The following ONECUT3 variants were observed in gnomAD, a reference collection of about 807,000 sequenced individuals.
The protein encoded by ONECUT3 is one cut homeobox 3.
In ONECUT3, 11 loss-of-function variants were observed where a neutral mutation model predicts 16.8. The observed-to-expected ratio is 0.66, with a 90% CI of 0.41 to 1.09. The LOEUF (loss-of-function observed/expected upper bound fraction) is 1.09. Among genes scored for constraint, ONECUT3 ranks in the 50% least tolerant of loss-of-function variants. The probability of loss-of-function intolerance (pLI) is 0.00; values close to 1 mark genes in which losing one functional copy is unlikely to be tolerated. For synonymous variants in ONECUT3, 344 were observed against 310.7 expected (o/e 1.11, Z -1.13); for missense variants, 637 against 629.9 (o/e 1.01, Z -0.12).
chr19:1,766,816 C>G lies in ONECUT3; in HGVS notation c.1193-8337C>G, dbSNP rs538598039. 2.6e-4 allele frequency among the ~76,000 whole-genome samples: 39 copies of G among 152,230 alleles called. No individual in the cohort carries two copies. Among genetic ancestry groups the G allele is most frequent in the East Asian group, 3.9e-4 (2 of 5,176 alleles). ...TTGCAGGCTGGGCTGAGACCCCCCCCCCATGCTCCACCACCCTCGTGTAGG... is the reference window on the plus strand; with the variant it reads ...TTGCAGGCTGGGCTGAGACCCCCCCGCCATGCTCCACCACCCTCGTGTAGG... On this transcript the variant is annotated intron_variant, in intron 1 of 1. Coordinates refer to ENST00000382349, the MANE Select transcript of ONECUT3 (RefSeq NM_001080488.2). The surrounding 1 kb of genome is among the most constrained non-coding windows in gnomAD (Gnocchi z 4.0).
Position 1,766,738 on chromosome 19 carries a change from C to T in ONECUT3, c.1193-8415C>T, listed in dbSNP as rs12978813. On this transcript the variant is annotated intron_variant, in intron 1 of 1. Transcript: ENST00000382349. The surrounding 1 kb of genome is among the most constrained non-coding windows in gnomAD (Gnocchi z 4.0). ...TGCTGAGGGCACTCGGGGAGCCCCACTGTCCCACCCGGCGCTCCAGGGCAG... is the reference window on the plus strand; with the variant it reads ...TGCTGAGGGCACTCGGGGAGCCCCATTGTCCCACCCGGCGCTCCAGGGCAG... 6.6e-6 allele frequency among the ~76,000 whole-genome samples: 1 copy of T among 151,674 alleles called. No homozygotes were observed. The highest frequency in any genetic ancestry group is 1.5e-5 in the Non-Finnish European group (1 of 67,908).
rs1213901330 is a variant in ONECUT3, at chr19:1,775,451, C to T, written c.*6C>T. 6.8e-7 allele frequency: 1 copy of T among 1,466,770 alleles called. No individual in the cohort carries two copies. The highest frequency in any genetic ancestry group is 9.0e-7 in the Non-Finnish European group (1 of 1,115,534). The allele number at this position is 1,466,770 out of a possible 1,614,324, so 90.9% of individuals were successfully genotyped here. ...CCACTTTCTCCAAGGCCTGAGGCGC[C>T]CCGGCCCCGCGCCCTCCCTGCCTCC... is the stretch of plus-strand genomic sequence containing the variant. On this transcript the variant is annotated 3_prime_UTR_variant, in exon 2 of 2. Coordinates refer to ENST00000382349, the MANE Select transcript of ONECUT3 (RefSeq NM_001080488.2).
intron 1 of ONECUT3, among the ~76,000 whole-genome samples, chr19:1,765,475 T>G (rs2067978373): frequency 6.6e-6 from 1 of 152,192 alleles, no homozygotes. Flanking sequence ...CCCCCTTTCC[T>G]GGACTCAGAG....
In ONECUT3 at chr19:1,780,234, G is replaced by A. The variant is rs548578807; in HGVS notation, c.*4789G>A. 10 of 146,542 alleles carry A rather than the reference G, an allele frequency of 6.8e-5. No individual in the cohort carries two copies. The highest frequency in any genetic ancestry group is 1.3e-4 in the Non-Finnish European group (9 of 66,746). 9.1% of individuals were successfully genotyped at this position (146,542 alleles called of 1,614,324 possible). Reference sequence around the variant, plus strand: ...CCCTCCCTGGGCTGGGCATGAGTCCGCCTTTCTGTCCAGCCCGGGAGGCAG... The same window carrying A: ...CCCTCCCTGGGCTGGGCATGAGTCCACCTTTCTGTCCAGCCCGGGAGGCAG... On this transcript the variant is annotated 3_prime_UTR_variant, in exon 2 of 2. Coordinates refer to ENST00000382349, the MANE Select transcript of ONECUT3 (RefSeq NM_001080488.2).
intron 1 of ONECUT3, among the ~76,000 whole-genome samples, chr19:1,761,407 C>G (rs1462775831): frequency 2.6e-5 from 4 of 152,220 alleles, no homozygotes. Flanking sequence ...TTTGCATGGC[C>G]ACTTTGGGTT....
Position 1,753,642 on chromosome 19 carries a change from G to A in ONECUT3, c.-21G>A, listed in dbSNP as rs895006382. On this transcript the variant is annotated 5_prime_UTR_variant, in exon 1 of 2. Transcript: ENST00000382349. The stretch of plus-strand genomic sequence containing the variant: ...TAGGGGCCGGCGCTGAGGAGCGCGC[G>A]CGGCGGGAGGGCAGCCGAGCATGGA... The A allele has an allele frequency of 5.0e-6, 5 of 1,001,136 alleles. No homozygotes were observed. In the African/African-American group the frequency reaches 7.0e-5, roughly 14 times the overall value. The allele number at this position is 1,001,136 out of a possible 1,614,324, so 62.0% of individuals were successfully genotyped here.
chr19:1,754,947 GC>G lies in ONECUT3; in HGVS notation c.1192+97del. 5.5e-6 allele frequency: 7 copies of G among 1,272,684 alleles called. No individual in the cohort carries two copies. Among genetic ancestry groups the G allele is most frequent in the Non-Finnish European group, 6.0e-6 (6 of 1,008,152 alleles). The allele number at this position is 1,272,684 out of a possible 1,614,324, so 78.8% of individuals were successfully genotyped here. A position where few individuals can be genotyped will look rare whatever the true frequency, so the allele number is the denominator to read the frequency against. On this transcript the variant is annotated intron_variant, in intron 1 of 1. Coordinates refer to ENST00000382349, the MANE Select transcript of ONECUT3 (RefSeq NM_001080488.2). This position sits in a 1 kb window ranked among gnomAD's most constrained non-coding sequence, Gnocchi z 7.4. ...GCGGCGGCCGATGCCCGGGGCCAGC[GC>G]CCCAAGCCCCGCCCGTGCGCCCCGG...
intron 1 of ONECUT3, among the ~76,000 whole-genome samples, chr19:1,767,127 G>A (rs1414217394): frequency 3.3e-5 from 5 of 152,126 alleles, no homozygotes; most frequent in Middle Eastern, 3.2e-3. Flanking sequence ...CCCTCTCCAG[G>A]AAGATCCTGA....
At chr19:1,773,021 T>C (rs2145967486) in intron 1 of ONECUT3, among the ~76,000 whole-genome samples, 1 of 152,258 alleles carries the variant, frequency 6.6e-6, no homozygotes, top group South Asian at 2.1e-4. Flanking sequence ...CTTAACTTTA[T>C]CTTCCAGTCC....
chr19:1,757,715 C>G lies in ONECUT3; in HGVS notation c.1192+2861C>G, dbSNP rs566460893. On this transcript the variant is annotated intron_variant, in intron 1 of 1. Transcript: ENST00000382349. ...GGGCGAGGGCCGCGGGGTCACTAGGCTCCGGCCCAGGCCTTTAGTTCCGGT... is the reference window on the plus strand; with the variant it reads ...GGGCGAGGGCCGCGGGGTCACTAGGGTCCGGCCCAGGCCTTTAGTTCCGGT... Among the ~76,000 whole-genome samples the G allele has an allele frequency of 3.2e-3, 493 of 152,354 alleles. 3 individuals are homozygous for G. The highest frequency in any genetic ancestry group is 0.011 in the African/African-American group (473 of 41,586).
At chr19:1,756,750 G>T (rs1319342) in intron 1 of ONECUT3, among the ~76,000 whole-genome samples, 33,676 of 124,284 alleles carry the variant, frequency 0.27, 4,494 homozygotes, top group Middle Eastern at 0.4. Flanking sequence ...GTTTCACCAT[G>T]TTGGCCAGGC....
In ONECUT3 at chr19:1,753,586, C is replaced by A; in HGVS notation, c.-77C>A. On this transcript the variant is annotated 5_prime_UTR_variant, in exon 1 of 2. Transcript: ENST00000382349. Reference sequence around the variant, plus strand: ...AGCCTCGCGCGCAGCCACCGGGGAGCGGGCGGGAGTCATGCAGCGGCCTTG... The same window carrying A: ...AGCCTCGCGCGCAGCCACCGGGGAGAGGGCGGGAGTCATGCAGCGGCCTTG... The A allele has an allele frequency of 1.1e-5, 5 of 465,118 alleles. No individual in the cohort carries two copies. Among genetic ancestry groups the A allele is most frequent in the Non-Finnish European group, 1.4e-5 (5 of 347,358 alleles). The allele number at this position is 465,118 out of a possible 1,614,324, so 28.8% of individuals were successfully genotyped here. A position where few individuals can be genotyped will look rare whatever the true frequency, so the allele number is the denominator to read the frequency against.
Position 1,778,952 on chromosome 19 carries a change from A to AC in ONECUT3, c.*3512dup, listed in dbSNP as rs1284123790. The AC allele has an allele frequency of 2.0e-5, 3 of 149,380 alleles. No individual in the cohort carries two copies. The highest frequency in any genetic ancestry group is 2.9e-5 in the Non-Finnish European group (2 of 67,868). 9.3% of individuals were successfully genotyped at this position (149,380 alleles called of 1,614,324 possible). On this transcript the variant is annotated 3_prime_UTR_variant, in exon 2 of 2. Coordinates refer to ENST00000382349, the MANE Select transcript of ONECUT3 (RefSeq NM_001080488.2). ...CGGACCCCACCCCAAACTTGGCCAG[A>AC]CCCCCACAGAAGGCTCTATCCCCGA...
intron 1 of ONECUT3, among the ~76,000 whole-genome samples, chr19:1,772,437 G>A (rs1429649787): frequency 6.6e-6 from 1 of 151,994 alleles, no homozygotes. Flanking sequence ...TGTTCCTCCT[G>A]CCTCAGCCTC....
chr19:1,770,660 G>C (rs1344092208), intron 1 of ONECUT3, among the ~76,000 whole-genome samples: 1 of 152,186 alleles, frequency 6.6e-6, no homozygotes, highest in South Asian at 2.1e-4. Context: ...GAATTTCAAG[G>C]CCCCGGTTGA....
At position 1,775,493 on chromosome 19, in the gene ONECUT3, G is replaced by T; in HGVS notation, c.*48G>T. ...CCTGCCTCCACGGCCTGGGCGCTGT[G>T]CCCCCACGTCACCTCCCCACATCCT... On this transcript the variant is annotated 3_prime_UTR_variant, in exon 2 of 2. Coordinates refer to ENST00000382349, the MANE Select transcript of ONECUT3 (RefSeq NM_001080488.2). The T allele has an allele frequency of 7.1e-7, 1 of 1,414,652 alleles. No homozygotes were observed. Among genetic ancestry groups the T allele is most frequent in the African/African-American group, 1.5e-5 (1 of 65,244 alleles). The allele number at this position is 1,414,652 out of a possible 1,614,324, so 87.6% of individuals were successfully genotyped here.
Position 1,755,757 on chromosome 19 carries a change from T to C in ONECUT3, c.1192+903T>C, listed in dbSNP as rs896477886. Among the ~76,000 whole-genome samples, 3 of 152,136 alleles carry C rather than the reference T, an allele frequency of 2.0e-5. No homozygotes were observed. The highest frequency in any genetic ancestry group is 4.4e-5 in the Non-Finnish European group (3 of 68,036). ...CCCTGTCGGTCTCTCCGCCTCTGTC[T>C]CTGTCTCATACTCAGCCACCGGCCC... On this transcript the variant is annotated intron_variant, in intron 1 of 1. Transcript: ENST00000382349. The surrounding 1 kb of genome is among the most constrained non-coding windows in gnomAD (Gnocchi z 7.5).
At chr19:1,771,489 C>T (rs1011377840) in intron 1 of ONECUT3, among the ~76,000 whole-genome samples, 1 of 152,150 alleles carries the variant, frequency 6.6e-6, no homozygotes, top group African/African-American at 2.4e-5. Flanking sequence ...TTCCTTGGAA[C>T]TTTGAAAGCC....
At position 1,766,167 on chromosome 19, in the gene ONECUT3, G is replaced by A. The variant is rs1429614286; in HGVS notation, c.1193-8986G>A. On this transcript the variant is annotated intron_variant, in intron 1 of 1. Transcript: ENST00000382349. The surrounding 1 kb of genome is among the most constrained non-coding windows in gnomAD (Gnocchi z 4.0). ...CTGCCGACCCCCATCGTGGTTGAGC[G>A]CCCGTGCAGGCGCCACCCACCCACC... Among the ~76,000 whole-genome samples, 3 of 152,230 alleles carry A rather than the reference G, an allele frequency of 2.0e-5. No homozygotes were observed. Among genetic ancestry groups the A allele is most frequent in the Non-Finnish European group, 2.9e-5 (2 of 68,044 alleles).
Sources: allele counts gnomAD v4.1 joint callset (sites outside exome capture counted in the v4.1 genomes callset), GRCh38; gene constraint gnomAD v4.1.1; non-coding constraint Gnocchi (gnomAD v3.1); transcripts MANE v1.5; gene names NCBI Gene and HGNC (gene_info 2026-07-23, HGNC 2026-07-21).